PDE1A: variants seen among roughly 807,000 people sequenced by gnomAD.
PDE1A encodes the protein phosphodiesterase 1A, also known as dual specificity calcium/calmodulin-dependent 3',5'-cyclic nucleotide phosphodiesterase 1A.
Under a neutral mutation model 61.7 loss-of-function variants are expected in PDE1A, and 35 were observed. The observed-to-expected ratio is 0.57, with a 90% CI of 0.43 to 0.75. PDE1A has a LOEUF of 0.75. PDE1A is among the 30% of genes least tolerant of loss of function. The pLI is 0.00. For synonymous variants in PDE1A, 232 were observed against 213.2 expected, an observed-to-expected ratio of 1.09 and a Z score of -0.77; for missense variants, 597 against 630.6, an observed-to-expected ratio of 0.95 and a Z score of 0.57.
chr2:182,215,592 C>T (rs200347916), intron 7 of PDE1A, among the ~76,000 whole-genome samples: 23,194 of 135,770 alleles, frequency 0.17, 2,230 homozygotes, highest in East Asian at 0.29. Flanking sequence ...ATATCACCAC[C>T]GATTCCAAAG....
intron 2 of PDE1A, among the ~76,000 whole-genome samples, chr2:182,246,394 CTTTTTTCT>C (rs796880582): frequency 0.031 from 3,270 of 105,332 alleles, 148 homozygotes; most frequent in African/African-American, 0.11. Flanking sequence ...AGTCTTTTTT[CTTTTTTCT>C]TTCTTTTTTT....
chr2:182,317,863 G>A (rs1300530332), intron 1 of PDE1A, among the ~76,000 whole-genome samples: 4 of 151,780 alleles, frequency 2.6e-5, no homozygotes, highest in African/African-American at 4.9e-5. Context: ...ATAGGTAGAC[G>A]GGGGAGAAAA....
chr2:182,257,125 G>A (rs1691877281), intron 2 of PDE1A, among the ~76,000 whole-genome samples: 1 of 152,060 alleles, frequency 6.6e-6, no homozygotes, highest in Non-Finnish European at 1.5e-5. Flanking sequence ...TGTTGCTTTG[G>A]TGTCTATTCT....
chr2:182,155,760 G>A (rs1020463416), intron 13 of PDE1A, among the ~76,000 whole-genome samples: 20 of 152,090 alleles, frequency 1.3e-4, no homozygotes, highest in African/African-American at 4.3e-4. Flanking sequence ...GTGTTGTGAC[G>A]CATGCCTGTA....
intron 1 of PDE1A, among the ~76,000 whole-genome samples, chr2:182,332,267 T>C (rs1697464540): frequency 6.6e-6 from 1 of 152,182 alleles, no homozygotes; most frequent in African/African-American, 2.4e-5. Flanking sequence ...TTTTTCAAGG[T>C]TCTTAGCTTT....
intron 1 of PDE1A, among the ~76,000 whole-genome samples, chr2:182,332,413 C>T (rs1165110280): frequency 6.6e-6 from 1 of 152,112 alleles, no homozygotes; most frequent in Non-Finnish European, 1.5e-5. Context: ...AGTTGTAATC[C>T]TTTGGAGGAG....
At chr2:182,545,223 GCTGCAC>G in the PDE1A span, among the ~76,000 whole-genome samples, 69 of 152,114 alleles carry the variant, frequency 4.5e-4, no homozygotes, top group Non-Finnish European at 7.8e-4. Context: ...TCTGATAATG[GCTGCAC>G]CTTCTTCATG....
intron 1 of PDE1A, among the ~76,000 whole-genome samples, chr2:182,391,743 T>C (rs1051669321): frequency 6.6e-6 from 1 of 152,170 alleles, no homozygotes; most frequent in African/African-American, 2.4e-5. Flanking sequence ...GTTACCATAA[T>C]GAACAGCAGA....
chr2:182,283,823 T>G (rs1196110665), intron 1 of PDE1A, among the ~76,000 whole-genome samples: 3 of 152,082 alleles, frequency 2.0e-5, no homozygotes, highest in Non-Finnish European at 4.4e-5. Context: ...ATTAAATTAG[T>G]GGTTAGCTAG....
At chr2:182,143,512 T>C (rs1184734002), downstream of PDE1A, among the ~76,000 whole-genome samples, 2 of 152,048 alleles carry the variant, frequency 1.3e-5, no homozygotes, top group Admixed American at 6.5e-5. Context: ...AATTAATTTA[T>C]TTTATTTTAT....
At chr2:182,246,745 T>C (rs3948378) in intron 2 of PDE1A, among the ~76,000 whole-genome samples, 3 of 152,098 alleles carry the variant, frequency 2.0e-5, no homozygotes, top group Non-Finnish European at 4.4e-5. Context: ...CACTGACCAC[T>C]ACTAGATGCC....
At chr2:182,673,922 G>C in the PDE1A span, among the ~76,000 whole-genome samples, 1 of 150,408 alleles carries the variant, frequency 6.6e-6, no homozygotes, top group Non-Finnish European at 1.5e-5. Flanking sequence ...AAACTAGGGA[G>C]AACTTACCAT....
chr2:182,329,734 C>T (rs1186094839), intron 1 of PDE1A, among the ~76,000 whole-genome samples: 1 of 152,174 alleles, frequency 6.6e-6, no homozygotes, highest in Admixed American at 6.5e-5. Flanking sequence ...ATCTGCAAAG[C>T]ACCATCACCA....
chr2:182,323,058 AGTT>A (rs994248862), intron 1 of PDE1A, among the ~76,000 whole-genome samples: 3 of 152,186 alleles, frequency 2.0e-5, no homozygotes, highest in Non-Finnish European at 4.4e-5. Context: ...ACTCATAAAA[AGTT>A]GTCTGCTGAC....
chr2:182,234,634 T>A (rs1431818590), intron 3 of PDE1A, 136 bp from the exon 4 acceptor site: 32 of 597,254 alleles, frequency 5.4e-5, no homozygotes, highest in Non-Finnish European at 9.0e-5. Context: ...TTTGTGTCAA[T>A]AATGATAACT....
chr2:182,254,913 C>T (rs904413998), intron 2 of PDE1A, among the ~76,000 whole-genome samples: 6 of 152,158 alleles, frequency 3.9e-5, no homozygotes, highest in African/African-American at 9.7e-5. Flanking sequence ...GGATGCTTGA[C>T]GACTGACCTT....
chr2:182,626,147 G>C, the PDE1A span, among the ~76,000 whole-genome samples: 1 of 152,150 alleles, frequency 6.6e-6, no homozygotes, highest in South Asian at 2.1e-4. Context: ...ACTGTAGCTT[G>C]ACACTTGTCT....
At chr2:182,658,060 A>AAC in the PDE1A span, among the ~76,000 whole-genome samples, 5 of 114,646 alleles carry the variant, frequency 4.4e-5, 1 homozygote, top group African/African-American at 1.5e-4. Context: ...AAAAAAAAAA[A>AAC]AAAAAAAAAA....
intron 2 of PDE1A, 46 bp downstream of exon 2, chr2:182,264,255 C>T (rs772341726): frequency 3.3e-5 from 43 of 1,292,876 alleles, no homozygotes; most frequent in Middle Eastern, 3.8e-4. Context: ...GGAAGAAAAA[C>T]GGGAGAGAAT....
Sources: gnomAD v4.1 joint callset for allele counts (sites outside exome capture counted in the v4.1 genomes callset) on GRCh38, gnomAD v4.1.1 for gene constraint, MANE v1.5 for transcripts, NCBI Gene and HGNC (gene_info 2026-07-23, HGNC 2026-07-21) for gene names.